Variants in SCOC observed in about 807,000 individuals in gnomAD.
SCOC encodes the protein short coiled coil protein.
Under a neutral mutation model 9.9 loss-of-function variants are expected in SCOC, and 7 were observed. That is an observed-to-expected ratio of 0.71 (90% CI 0.40 to 1.33). The LOEUF (loss-of-function observed/expected upper bound fraction) is 1.33. Ranked by LOEUF, SCOC falls within the 40% of genes most tolerant of loss-of-function variation. The pLI is 0.01. For synonymous variants in SCOC, 19 were observed against 28.2 expected (o/e 0.67, Z 1.03); for missense variants, 66 against 89.7 (o/e 0.74, Z 1.07).
chr4:140,303,740 AG>A (rs1731880583), intron 1 of SCOC, among the ~76,000 whole-genome samples: 1 of 152,208 alleles, frequency 6.6e-6, no homozygotes, highest in Non-Finnish European at 1.5e-5. Flanking sequence ...GTGCAAATCC[AG>A]GTATAGGGAA....
intron 1 of SCOC, among the ~76,000 whole-genome samples, chr4:140,333,177 A>G (rs913080262): frequency 1.3e-5 from 2 of 151,678 alleles, no homozygotes; most frequent in African/African-American, 4.8e-5. Flanking sequence ...GGCTCCTTCA[A>G]CTCCTTTAGT....
In SCOC at chr4:140,336,215, A is replaced by T. The variant is rs556740029; in HGVS notation, c.-18-7406A>T. On this transcript the variant is annotated intron_variant, in intron 1 of 4. Coordinates refer to the SCOC transcript ENST00000394205. ...ATTGTATTTTTTAATCTTATTTTAA[A>T]GTTGGTATAAAATTCACATAATATA... Among the ~76,000 whole-genome samples the T allele has an allele frequency of 6.6e-5, 10 of 152,314 alleles. No homozygotes were observed. The South Asian group carries it at 1.9e-3, about 28-fold the overall frequency.
At chr4:140,309,150 G>C (rs1291201659) in intron 1 of SCOC, among the ~76,000 whole-genome samples, 1 of 152,200 alleles carries the variant, frequency 6.6e-6, no homozygotes, top group African/African-American at 2.4e-5. Context: ...ATCTTCCCAA[G>C]ACAGCTGTTT....
chr4:140,270,935 G>C (rs3946832), intron 1 of SCOC, among the ~76,000 whole-genome samples: 2,734 of 152,282 alleles, frequency 0.018, 39 homozygotes, highest in Middle Eastern at 0.054. Flanking sequence ...CCAAGGGGAG[G>C]ACCTAGATTT....
At chr4:140,355,274 A>G (rs1352518782) in intron 2 of SCOC, among the ~76,000 whole-genome samples, 1 of 148,510 alleles carries the variant, frequency 6.7e-6, no homozygotes, top group Admixed American at 6.8e-5. Context: ...ATGTTATAGA[A>G]CAATGATACC....
chr4:140,365,821 C>T (rs1386882283), intron 2 of SCOC, among the ~76,000 whole-genome samples: 1 of 152,180 alleles, frequency 6.6e-6, no homozygotes, highest in Non-Finnish European at 1.5e-5. Context: ...AAGAATACAA[C>T]ATATATACAA....
rs114992548 is a variant in SCOC, at chr4:140,305,289, G to A, written c.-18-38332G>A. 4.6e-3 allele frequency among the ~76,000 whole-genome samples: 703 copies of A among 152,264 alleles called. 2 individuals are homozygous for A. The highest frequency in any genetic ancestry group is 6.5e-3 in the Non-Finnish European group (439 of 68,022). On this transcript the variant is annotated intron_variant, in intron 1 of 4. Transcript: ENST00000394205. ...ATGCCGTCTTGACAAATAGGTATAC[G>A]CCTAGTCTTTCTAGCTGAGGAAGTT...
chr4:140,337,832 G>A (rs944426570), intron 1 of SCOC, among the ~76,000 whole-genome samples: 1 of 152,076 alleles, frequency 6.6e-6, no homozygotes, highest in Non-Finnish European at 1.5e-5. Flanking sequence ...AAAAAGTCCG[G>A]GACCAGACGG....
chr4:140,319,379 C>T (rs1457188247), intron 1 of SCOC, among the ~76,000 whole-genome samples: 6 of 152,166 alleles, frequency 3.9e-5, no homozygotes, highest in Non-Finnish European at 8.8e-5. Flanking sequence ...GCATGAGCCA[C>T]TGTGCCTGGC....
intron 2 of SCOC, 72 bp downstream of exon 2, chr4:140,379,264 G>A: frequency 2.0e-6 from 2 of 1,001,424 alleles, no homozygotes; most frequent in South Asian, 2.6e-5. Flanking sequence ...GCAATGGAAA[G>A]GGCAGAGAAA....
chr4:140,257,640 GTC>G (rs1350576050), intron 1 of SCOC, among the ~76,000 whole-genome samples: 5 of 152,314 alleles, frequency 3.3e-5, no homozygotes, highest in East Asian at 1.9e-4. Flanking sequence ...TATTTAACCT[GTC>G]TCTGCCTCAG....
At chr4:140,278,139 G>A (rs113413280) in intron 1 of SCOC, among the ~76,000 whole-genome samples, 5,338 of 152,206 alleles carry the variant, frequency 0.035, 132 homozygotes, top group Middle Eastern at 0.054. Context: ...TATAAACAGC[G>A]GAAATTTATT....
intron 1 of SCOC, among the ~76,000 whole-genome samples, chr4:140,327,461 G>A (rs67719782): frequency 0.17 from 26,312 of 152,018 alleles, 2,556 homozygotes; most frequent in African/African-American, 0.25. Context: ...ACTTATTAGT[G>A]GACAATTCAA....
At chr4:140,269,202 ACTC>A (rs1210251266) in intron 1 of SCOC, among the ~76,000 whole-genome samples, 1 of 152,008 alleles carries the variant, frequency 6.6e-6, no homozygotes. Context: ...ATTCTTTGAC[ACTC>A]CTCCTATGAA....
intron 1 of SCOC, 29 bp downstream of exon 1, chr4:140,373,746 CT>C: frequency 2.6e-6 from 4 of 1,537,818 alleles, no homozygotes; most frequent in South Asian, 2.4e-5. Flanking sequence ...AGCGGAGGGC[CT>C]GGCCCCAGGC....
chr4:140,262,671 G>T (rs1198912698), intron 1 of SCOC, among the ~76,000 whole-genome samples: 1 of 152,086 alleles, frequency 6.6e-6, no homozygotes, highest in African/African-American at 2.4e-5. Flanking sequence ...AACTACCTGA[G>T]ACTGGCTAAT....
intron 1 of SCOC, among the ~76,000 whole-genome samples, chr4:140,262,703 T>C (rs1730657985): frequency 6.6e-6 from 1 of 152,094 alleles, no homozygotes; most frequent in Admixed American, 6.6e-5. Flanking sequence ...AGAGGTTTAA[T>C]TGACACACAG....
chr4:140,288,136 C>T (rs1433522241), intron 1 of SCOC, among the ~76,000 whole-genome samples: 2 of 151,986 alleles, frequency 1.3e-5, no homozygotes, highest in African/African-American at 4.8e-5. Context: ...CCACACACAG[C>T]ACACACTTTT....
At chr4:140,362,254 C>G (rs139240871) in intron 2 of SCOC, among the ~76,000 whole-genome samples, 1,306 of 100,842 alleles carry the variant, frequency 0.013, 20 homozygotes, top group Non-Finnish European at 0.02. Flanking sequence ...AACTAAAGAC[C>G]GGCTAAAGAC....
Sources: gnomAD v4.1 joint callset for allele counts (sites outside exome capture counted in the v4.1 genomes callset) on GRCh38, gnomAD v4.1.1 for gene constraint, MANE v1.5 for transcripts, NCBI Gene and HGNC (gene_info 2026-07-23, HGNC 2026-07-21) for gene names.